Variants in TTC39B observed in about 807,000 individuals in gnomAD.
The protein encoded by TTC39B is tetratricopeptide repeat domain 39B, also known as tetratricopeptide repeat protein 39B.
TTC39B carries 92 observed loss-of-function variants against 96.6 expected under a neutral mutation model. The observed-to-expected ratio is 0.95, with a 90% CI of 0.80 to 1.13. The LOEUF (loss-of-function observed/expected upper bound fraction) is 1.13, where lower values mean the gene tolerates loss of function less well. TTC39B is among the 50% of genes most tolerant of loss of function. The pLI is 0.00. For synonymous variants in TTC39B, 367 were observed against 299.4 expected (o/e 1.23, Z -2.33); for missense variants, 955 against 809.3 (o/e 1.18, Z -2.18).
At chr9:15,244,952 A>T (rs1822208635) in intron 2 of TTC39B, among the ~76,000 whole-genome samples, 1 of 151,878 alleles carries the variant, frequency 6.6e-6, no homozygotes, top group African/African-American at 2.4e-5. Context: ...GAAAAAAAAT[A>T]AAGGCTTCCA....
chr9:15,265,153 T>G lies in TTC39B; in HGVS notation c.275+2761A>C, dbSNP rs78295132. On this transcript the variant is annotated intron_variant, in intron 2 of 19. Coordinates refer to ENST00000512701, the Ensembl canonical transcript of TTC39B. ...CTAAATTAACTTCAGCTGGGTTGAA[T>G]TTAGGGCTTTTGTTTATTTCTGTGG... is the stretch of plus-strand genomic sequence containing the variant. Among the ~76,000 whole-genome samples, 661 of 152,220 alleles carry G rather than the reference T, an allele frequency of 4.3e-3. 5 individuals are homozygous for G. The highest frequency in any genetic ancestry group is 0.031 in the Middle Eastern group (9 of 294).
chr9:15,239,237 A>G (rs1586940529), intron 2 of TTC39B, among the ~76,000 whole-genome samples: 1 of 152,344 alleles, frequency 6.6e-6, no homozygotes, highest in East Asian at 1.9e-4. Context: ...ACCAGTCAGA[A>G]TGGCTATTAT....
At chr9:15,189,126 G>C (rs543380560) in intron 13 of TTC39B, among the ~76,000 whole-genome samples, 1 of 152,140 alleles carries the variant, frequency 6.6e-6, no homozygotes, top group Non-Finnish European at 1.5e-5. Context: ...TACATAAATG[G>C]CTCCTTACTT....
rs57422881 is a variant in TTC39B at position 15,251,700 on chromosome 9, CATATATATATATATAT to C, written c.275+16198_275+16213del. 9.9e-3 allele frequency among the ~76,000 whole-genome samples: 972 copies of C among 98,372 alleles called. 28 individuals are homozygous for C. Among genetic ancestry groups the C allele is most frequent in the African/African-American group, 0.027 (883 of 32,120 alleles). The allele number at this position is 98,372 out of a possible 152,430, so 64.5% of individuals were successfully genotyped here. ...ACACACACACACACACATACATATACATATATATATATATATATATATATATATATATATATGTAGT... is the reference window on the plus strand; with the variant it reads ...ACACACACACACACACATACATATACATATATATATATATATATATGTAGT... On this transcript the variant is annotated intron_variant, in intron 2 of 19. Coordinates refer to ENST00000512701, the Ensembl canonical transcript of TTC39B.
At chr9:15,295,149 G>A (rs932192827) in intron 1 of TTC39B, among the ~76,000 whole-genome samples, 1 of 152,132 alleles carries the variant, frequency 6.6e-6, no homozygotes, top group Non-Finnish European at 1.5e-5. Context: ...CACCCCAGAA[G>A]GTCAGAAGTT....
At chr9:15,173,800 C>T (rs993890774) in intron 19 of TTC39B, among the ~76,000 whole-genome samples, 7 of 152,100 alleles carry the variant, frequency 4.6e-5, no homozygotes, top group Admixed American at 3.3e-4. Context: ...TAAGTATGAA[C>T]GCCAACTTGC....
rs1275170860 is a variant in TTC39B, at chr9:15,306,261, GGA to G, written c.240+821_240+822del. ...CAAGAGCAGGGAGAGCGCTGTCTCT[GGA>G]GTTGCCAGGTGCTGAAATGAATAGT... On this transcript the variant is annotated intron_variant, in intron 1 of 19. Coordinates refer to ENST00000512701, the Ensembl canonical transcript of TTC39B. The surrounding 1 kb of genome is among the most constrained non-coding windows in gnomAD (Gnocchi z 5.1). Among the ~76,000 whole-genome samples the G allele has an allele frequency of 3.3e-5, 5 of 152,232 alleles. No homozygotes were observed. The highest frequency in any genetic ancestry group is 5.9e-5 in the Non-Finnish European group (4 of 68,040).
At chr9:15,235,048 A>T (rs909415606) in intron 2 of TTC39B, among the ~76,000 whole-genome samples, 2 of 151,172 alleles carry the variant, frequency 1.3e-5, no homozygotes, top group African/African-American at 4.9e-5. Flanking sequence ...TAAATAAAAC[A>T]AAAACAAAAC....
intron 6 of TTC39B, among the ~76,000 whole-genome samples, chr9:15,206,763 G>A (rs140407399): frequency 3.3e-5 from 5 of 151,936 alleles, no homozygotes; most frequent in African/African-American, 7.3e-5. Flanking sequence ...TTTTATTTAT[G>A]TAGAGACAGG....
At chr9:15,283,809 TCTA>T (rs1450577492) in intron 1 of TTC39B, among the ~76,000 whole-genome samples, 1 of 152,130 alleles carries the variant, frequency 6.6e-6, no homozygotes, top group Non-Finnish European at 1.5e-5. Flanking sequence ...ATATTGGTTG[TCTA>T]CTAAGACAAA....
chr9:15,307,177 G>A, exon 1 of TTC39B: 1 of 1,590,980 alleles, frequency 6.3e-7, no homozygotes, highest in East Asian at 2.3e-5. Flanking sequence ...ACTCAGAGCC[G>A]ACTCCTGCTC....
rs73646009 is a variant in TTC39B at position 15,172,223 on chromosome 9, T to C, written c.1959-114A>G. ...ACTTACTTTCAAACTCTAATATACA[T>C]AACCGTAGATCTTAGTAAAATGCAG... On this transcript the variant is annotated intron_variant, in intron 19 of 19. Coordinates refer to ENST00000512701, the Ensembl canonical transcript of TTC39B. The C allele has an allele frequency of 1.5e-3, 900 of 586,960 alleles. 2 individuals carry two copies. The highest frequency in any genetic ancestry group is 9.9e-3 in the African/African-American group (521 of 52,646). 36.4% of individuals were successfully genotyped at this position (586,960 alleles called of 1,614,324 possible).
intron 7 of TTC39B, among the ~76,000 whole-genome samples, chr9:15,201,756 G>A (rs1195226381): frequency 2.6e-5 from 4 of 152,166 alleles, no homozygotes; most frequent in African/African-American, 4.8e-5. Flanking sequence ...CCTGTAAGGT[G>A]CGGGGGGCGG....
intron 2 of TTC39B, among the ~76,000 whole-genome samples, chr9:15,231,115 T>G (rs1821397800): frequency 6.6e-6 from 1 of 152,218 alleles, no homozygotes; most frequent in Non-Finnish European, 1.5e-5. Context: ...TAACTTTATG[T>G]TTGACATTTT....
intron 1 of TTC39B, among the ~76,000 whole-genome samples, chr9:15,291,893 A>G (rs557616615): frequency 6.6e-6 from 1 of 152,308 alleles, no homozygotes; most frequent in South Asian, 2.1e-4. Flanking sequence ...CTTGCTGCCA[A>G]TGTGCCTTTG....
At chr9:15,286,277 C>A (rs1270693602) in intron 1 of TTC39B, among the ~76,000 whole-genome samples, 1 of 152,228 alleles carries the variant, frequency 6.6e-6, no homozygotes, top group African/African-American at 2.4e-5. Flanking sequence ...CTTTAGCCTC[C>A]TTTAATCTGA....
At chr9:15,278,458 T>C (rs900936171) in intron 1 of TTC39B, among the ~76,000 whole-genome samples, 2 of 152,252 alleles carry the variant, frequency 1.3e-5, no homozygotes, top group Admixed American at 6.5e-5. Context: ...ACTGCTTTTA[T>C]GGCTGTACAA....
At chr9:15,177,786 C>T (rs1394523342) in exon 18 of TTC39B, 1 of 1,610,390 alleles carries the variant, frequency 6.2e-7, no homozygotes, top group Admixed American at 1.7e-5. Context: ...TCACTAAGCA[C>T]TCATCATCCA....
chr9:15,190,125 C>T (rs1401925592), intron 11 of TTC39B, among the ~76,000 whole-genome samples: 1 of 151,952 alleles, frequency 6.6e-6, no homozygotes, highest in Non-Finnish European at 1.5e-5. Flanking sequence ...TAAAATAGAT[C>T]ACCTTAATAT....
Sources: gnomAD v4.1 joint callset for allele counts (sites outside exome capture counted in the v4.1 genomes callset) on GRCh38, gnomAD v4.1.1 for gene constraint, Gnocchi (gnomAD v3.1) non-coding constraint, MANE v1.5 for transcripts, NCBI Gene and HGNC (gene_info 2026-07-23, HGNC 2026-07-21) for gene names.